ZNF620: variants seen among roughly 807,000 people sequenced by gnomAD.
The protein encoded by ZNF620 is zinc finger protein 620.
In ZNF620, 10 loss-of-function variants were observed where a neutral mutation model predicts 13.3. The observed-to-expected ratio is 0.75, with a 90% CI of 0.46 to 1.28. The LOEUF (loss-of-function observed/expected upper bound fraction) is 1.28. Ranked by LOEUF, ZNF620 falls within the 50% of genes most tolerant of loss-of-function variation. ZNF620 has a pLI of 0.00. For synonymous variants in ZNF620, 166 were observed against 177.6 expected (o/e 0.93, Z 0.52); for missense variants, 461 against 500.2 (o/e 0.92, Z 0.75).
intron 4 of ZNF620, 118 bp from the exon 5 acceptor site, chr3:40,515,742 T>G: frequency 2.3e-6 from 3 of 1,321,228 alleles, no homozygotes; most frequent in Non-Finnish European, 3.1e-6. Flanking sequence ...CAGGGCAAAT[T>G]AGAACCACTT....
At chr3:40,515,204 T>G (rs1400391305) in intron 4 of ZNF620, among the ~76,000 whole-genome samples, 1 of 152,240 alleles carries the variant, frequency 6.6e-6, no homozygotes, top group African/African-American at 2.4e-5. Context: ...GGAAGAGTTC[T>G]TCACATTTCC....
At position 40,516,239 on chromosome 3, in the gene ZNF620, G is replaced by A; in HGVS notation, c.645G>A (p.Glu215=). ...FIQMADFHRH[E]KCHTGEKSFE... is the part of the protein sequence containing the mutation. ...AAATGGCAGACTTCCACCGACATGA[G>A]AAATGTCACACTGGTGAAAAGTCTT... The change falls in exon 5 of 5, where the codon GAG becomes GAA. Residue 215 remains glutamate, a synonymous_variant. Coordinates refer to ENST00000314529, the MANE Select transcript of ZNF620 (RefSeq NM_175888.4). 4.3e-6 allele frequency: 7 copies of A among 1,614,076 alleles called. No homozygotes were observed. The highest frequency in any genetic ancestry group is 5.9e-6 in the Non-Finnish European group (7 of 1,180,046).
chr3:40,516,333 A>C lies in ZNF620; in HGVS notation c.739A>C (p.Thr247Pro). Residue 247 changes from threonine (T) to proline (P), a missense_variant, in exon 5 of 5, where the codon ACT becomes CCT. Physicochemically the swap from Thr to Pro is conservative, Grantham distance 38. Coordinates refer to ENST00000314529, the MANE Select transcript of ZNF620 (RefSeq NM_175888.4). The part of the protein sequence containing the change: ...SLLIRHQIIH[T>P]GKKPFKCKEC... ...ACTTATTCGGCATCAGATAATTCAC[A>C]CTGGAAAGAAACCATTTAAATGTAA... 1 of 1,614,226 alleles carries C rather than the reference A, an allele frequency of 6.2e-7. No homozygotes were observed. Among genetic ancestry groups the C allele is most frequent in the Non-Finnish European group, 8.5e-7 (1 of 1,180,038 alleles).
rs191754888 is a variant in ZNF620, at chr3:40,513,690, T to C, written c.265+1175T>C. 5.4e-3 allele frequency among the ~76,000 whole-genome samples: 822 copies of C among 151,828 alleles called. 3 individuals are homozygous for C. Among genetic ancestry groups the C allele is most frequent in the African/African-American group, 0.018 (733 of 41,490 alleles). ...GTTCCAGTATAATAAAGAAAATATA[T>C]AGAATAAGAATAATTATGCTAGAAA... On this transcript the variant is annotated intron_variant, in intron 4 of 4. Coordinates refer to ENST00000314529, the MANE Select transcript of ZNF620 (RefSeq NM_175888.4).
chr3:40,508,278 C>T (rs1698092238), intron 2 of ZNF620, among the ~76,000 whole-genome samples: 1 of 151,912 alleles, frequency 6.6e-6, no homozygotes, highest in African/African-American at 2.4e-5. Flanking sequence ...GCTGAAGTCA[C>T]AGATTTGAGA....
chr3:40,513,265 G>C (rs1698254359), intron 4 of ZNF620, among the ~76,000 whole-genome samples: 1 of 134,696 alleles, frequency 7.4e-6, no homozygotes, highest in South Asian at 2.3e-4. Context: ...AGGAGTTCAA[G>C]ACCAGCTTGG....
rs762958426 is a variant in ZNF620 at position 40,515,819 on chromosome 3, T to TGTGA, written c.266-40_266-39insTGAG. On this transcript the variant is annotated intron_variant, in intron 4 of 4. Coordinates refer to ENST00000314529, the MANE Select transcript of ZNF620 (RefSeq NM_175888.4). ...GTGTGTGTGTGTGTGTGTGTGTGTG[T>TGTGA]GATATCAGGGACTGACATTTGTATT... The TGTGA allele has an allele frequency of 9.6e-4, 629 of 651,964 alleles. 1 individual carries two copies. Among genetic ancestry groups the TGTGA allele is most frequent in the African/African-American group, 8.0e-3 (361 of 45,400 alleles). The allele number at this position is 651,964 out of a possible 1,614,324, so 40.4% of individuals were successfully genotyped here.
chr3:40,506,610 T>C (rs1399239301), intron 2 of ZNF620, among the ~76,000 whole-genome samples: 3 of 152,136 alleles, frequency 2.0e-5, no homozygotes, highest in African/African-American at 7.2e-5. Flanking sequence ...AATTATGAAA[T>C]GTGGAAATCT....
chr3:40,516,147 A>G lies in ZNF620; in HGVS notation c.553A>G (p.Thr185Ala). Residue 185 changes from threonine to alanine, a missense_variant, in exon 5 of 5, where the codon ACA (threonine) becomes GCA (alanine). Physicochemically the swap from Thr to Ala is moderately conservative, Grantham distance 58. Transcript: ENST00000314529. ...TATTAGCGTCAGCACACAACTCACT[A>G]CAAATCAGACAAATCCTAGTGGTCA... ...KNISVSTQLTTNQTNPSGQIS... is the reference protein window; with the variant it reads ...KNISVSTQLTANQTNPSGQIS... The G allele has an allele frequency of 1.9e-6, 3 of 1,614,122 alleles. No individual in the cohort carries two copies. The highest frequency in any genetic ancestry group is 1.1e-5 in the South Asian group (1 of 91,084).
At position 40,516,729 on chromosome 3, in the gene ZNF620, C is replaced by T. The variant is rs755072079; in HGVS notation, c.1135C>T (p.Leu379=). ...GAAGGCATTCAATCAGAAAATAACC[C>T]TGATTCAGCACCAGCGAGTTCACAC... ...CGKAFNQKIT[L]IQHQRVHTGE... is the part of the protein sequence containing the mutation. Residue 379 remains leucine (L), a synonymous_variant, in exon 5 of 5, where the codon CTG becomes TTG. Coordinates refer to ENST00000314529, the MANE Select transcript of ZNF620 (RefSeq NM_175888.4). The T allele has an allele frequency of 6.2e-7, 1 of 1,614,160 alleles. No homozygotes were observed. The highest frequency in any genetic ancestry group is 1.1e-5 in the South Asian group (1 of 91,084).
chr3:40,506,740 A>G (rs1575284801), intron 2 of ZNF620, among the ~76,000 whole-genome samples: 1 of 152,226 alleles, frequency 6.6e-6, no homozygotes, highest in Non-Finnish European at 1.5e-5. Context: ...TTTTCTACAT[A>G]GGTCATCTAT....
Position 40,518,129 on chromosome 3 carries a change from TG to T in ZNF620, c.*1268del, listed in dbSNP as rs755133773. 2 of 152,240 alleles carry T rather than the reference TG, an allele frequency of 1.3e-5. No homozygotes were observed. The highest frequency in any genetic ancestry group is 2.9e-5 in the Non-Finnish European group (2 of 68,036). 9.4% of individuals were successfully genotyped at this position (152,240 alleles called of 1,614,324 possible). A position where few individuals can be genotyped will look rare whatever the true frequency, so the allele number is the denominator to read the frequency against. On this transcript the variant is annotated 3_prime_UTR_variant, in exon 5 of 5. Transcript: ENST00000314529. ...TCCATCTAGTTATTTTTTATGATCA[TG>T]GAAGAACCTACCATTATTGCTGTTA...
Position 40,516,787 on chromosome 3 carries a change from G to A in ZNF620, c.1193G>A (p.Gly398Asp). 6.2e-7 allele frequency: 1 copy of A among 1,614,174 alleles called. No homozygotes were observed. The highest frequency in any genetic ancestry group is 8.5e-7 in the Non-Finnish European group (1 of 1,180,022). The change falls in exon 5 of 5, where the codon GGT (glycine) becomes GAT (aspartate). Residue 398 changes from glycine to aspartate, a missense_variant. Physicochemically the swap from Gly to Asp is moderately conservative, Grantham distance 94. Transcript: ENST00000314529. ...GEKPYECKVC[G>D]KTFSWCGRFI... Reference sequence around the variant, plus strand: ...AAACCTTATGAGTGTAAAGTGTGTGGTAAAACCTTCAGCTGGTGTGGAAGA... The same window carrying A: ...AAACCTTATGAGTGTAAAGTGTGTGATAAAACCTTCAGCTGGTGTGGAAGA...
intron 3 of ZNF620, 105 bp from the exon 4 acceptor site, chr3:40,512,297 C>G: frequency 2.1e-6 from 2 of 940,152 alleles, no homozygotes; most frequent in Non-Finnish European, 3.4e-6. Context: ...CCTGACTCAC[C>G]TTGTCTCTCA....
In ZNF620 at chr3:40,512,441, A is replaced by G; in HGVS notation, c.191A>G (p.Glu64Gly). 1 of 1,614,140 alleles carries G rather than the reference A, an allele frequency of 6.2e-7. No individual in the cohort carries two copies. The highest frequency in any genetic ancestry group is 1.1e-5 in the South Asian group (1 of 91,080). The change falls in exon 4 of 5, where the codon GAG (glutamate) becomes GGG (glycine). Residue 64 changes from glutamate to glycine, a missense_variant. Glu to Gly is a moderately conservative substitution (Grantham distance 98). Coordinates refer to ENST00000314529, the MANE Select transcript of ZNF620 (RefSeq NM_175888.4). Reference protein sequence around the residue: ...FTTPVLVSQLEQGELPWGLDP... With the variant: ...FTTPVLVSQLGQGELPWGLDP... Reference sequence around the variant, plus strand: ...ACGCCTGTTCTGGTCTCCCAGCTGGAGCAAGGGGAACTGCCATGGGGCCTC... The same window carrying G: ...ACGCCTGTTCTGGTCTCCCAGCTGGGGCAAGGGGAACTGCCATGGGGCCTC...
At chr3:40,515,821 A>G (rs6804333) in intron 4 of ZNF620, 39 bp from the exon 5 acceptor site, 81,507 of 831,050 alleles carry the variant, frequency 0.098, 4,405 homozygotes, top group East Asian at 0.14. Flanking sequence ...TGTGTGTGTG[A>G]TATCAGGGAC....
rs917201942 is a variant in ZNF620, at chr3:40,518,234, A to G, written c.*1371A>G. 6.6e-6 allele frequency: 1 copy of G among 152,266 alleles called. No individual in the cohort carries two copies. The highest frequency in any genetic ancestry group is 2.4e-5 in the African/African-American group (1 of 41,480). 9.4% of individuals were successfully genotyped at this position (152,266 alleles called of 1,614,324 possible). On this transcript the variant is annotated 3_prime_UTR_variant, in exon 5 of 5. Coordinates refer to ENST00000314529, the MANE Select transcript of ZNF620 (RefSeq NM_175888.4). Reference sequence around the variant, plus strand: ...CAGCCAGCTTGATTTTGCAGGAAGCAGAGAGTAGTGATTAATAATACAGAG... The same window carrying G: ...CAGCCAGCTTGATTTTGCAGGAAGCGGAGAGTAGTGATTAATAATACAGAG...
Position 40,516,287 on chromosome 3 carries a change from A to G in ZNF620, c.693A>G (p.Lys231=), listed in dbSNP as rs759637835. The G allele has an allele frequency of 6.2e-7, 1 of 1,614,204 alleles. No individual in the cohort carries two copies. Among genetic ancestry groups the G allele is most frequent in the Non-Finnish European group, 8.5e-7 (1 of 1,180,048 alleles). ...CTTTTGAATGCAAAGAATGTGGAAA[A>G]TACTTCAGATATAACTCATTACTTA... The part of the protein sequence containing the change: ...EKSFECKECG[K]YFRYNSLLIR... Residue 231 remains lysine (K), a synonymous_variant, in exon 5 of 5, where the codon AAA becomes AAG. Transcript: ENST00000314529.
intron 4 of ZNF620, among the ~76,000 whole-genome samples, chr3:40,512,973 T>C (rs1443069659): frequency 6.6e-6 from 1 of 152,112 alleles, no homozygotes; most frequent in Non-Finnish European, 1.5e-5. Flanking sequence ...AAGTTTGTTT[T>C]TATAATGGAA....
Sources: allele counts gnomAD v4.1 joint callset (sites outside exome capture counted in the v4.1 genomes callset), GRCh38; gene constraint gnomAD v4.1.1; transcripts MANE v1.5; gene names NCBI Gene and HGNC (gene_info 2026-07-23, HGNC 2026-07-21).